Variants in RBBP5 observed in about 807,000 individuals in gnomAD.
The protein encoded by RBBP5 is retinoblastoma-binding protein 5.
RBBP5 carries 5 observed loss-of-function variants against 72.2 expected under a neutral mutation model. The observed-to-expected ratio is 0.07, with a 90% CI of 0.04 to 0.15. RBBP5 has a LOEUF of 0.15. RBBP5 is among the 10% of genes least tolerant of loss of function. The probability of loss-of-function intolerance (pLI) is 1.00; values close to 1 mark genes in which losing one functional copy is unlikely to be tolerated. For missense variants in RBBP5, 322 were observed against 652.2 expected (o/e 0.49, Z 5.51); for synonymous variants, 209 against 237.2 (o/e 0.88, Z 1.09).
At chr1:205,120,885 T>G (rs1034730197) in intron 1 of RBBP5, among the ~76,000 whole-genome samples, 1 of 152,236 alleles carries the variant, frequency 6.6e-6, no homozygotes, top group Non-Finnish European at 1.5e-5. Flanking sequence ...ATTCACTCTC[T>G]GTTCCAAACA....
chr1:205,114,118 T>A (rs1366957863), intron 3 of RBBP5, among the ~76,000 whole-genome samples: 1 of 152,248 alleles, frequency 6.6e-6, no homozygotes, highest in Non-Finnish European at 1.5e-5. Flanking sequence ...AGGCCACCAG[T>A]ACTTTACTGG....
chr1:205,102,201 A>G (rs1655858878), intron 5 of RBBP5, among the ~76,000 whole-genome samples: 1 of 152,152 alleles, frequency 6.6e-6, no homozygotes, highest in Non-Finnish European at 1.5e-5. Context: ...TGGCCAATCT[A>G]TTCTTAAAAT....
chr1:205,106,274 G>C (rs975307702), intron 3 of RBBP5, among the ~76,000 whole-genome samples: 1 of 152,152 alleles, frequency 6.6e-6, no homozygotes, highest in Non-Finnish European at 1.5e-5. Context: ...CAGTATCAGA[G>C]GAGGCCTGCT....
intron 6 of RBBP5, 87 bp from the exon 7 acceptor site, chr1:205,100,358 G>C: frequency 6.7e-7 from 1 of 1,487,310 alleles, no homozygotes; most frequent in Non-Finnish European, 9.1e-7. Context: ...GGGAAGAATT[G>C]AGGAAAAATC....
intron 1 of RBBP5, chr1:205,116,256 C>A: frequency 2.6e-6 from 1 of 380,468 alleles, no homozygotes; most frequent in Non-Finnish European, 5.1e-6. Flanking sequence ...AATAACTACT[C>A]ACATAAACAT....
chr1:205,113,226 C>T (rs2102322772), intron 3 of RBBP5, among the ~76,000 whole-genome samples: 1 of 151,762 alleles, frequency 6.6e-6, no homozygotes, highest in East Asian at 1.9e-4. Flanking sequence ...CCATGATTTT[C>T]TAGAATAAGT....
chr1:205,104,245 G>C (rs1057514238), intron 4 of RBBP5, among the ~76,000 whole-genome samples: 2 of 152,224 alleles, frequency 1.3e-5, no homozygotes, highest in Non-Finnish European at 2.9e-5. Context: ...TAAGAGGCCA[G>C]GTGCAGTGGC....
intron 5 of RBBP5, among the ~76,000 whole-genome samples, 185 bp from the exon 6 acceptor site, chr1:205,101,894 CTTTTTTTTTT>C (rs10562809): frequency 2.5e-5 from 3 of 119,744 alleles, no homozygotes; most frequent in Non-Finnish European, 3.5e-5. Flanking sequence ...TTAATCTAGT[CTTTTTTTTTT>C]TTTTTTTTTG....
chr1:205,094,846 C>T (rs369605533), intron 13 of RBBP5, 27 bp downstream of exon 13: 5 of 1,588,052 alleles, frequency 3.1e-6, no homozygotes, highest in African/African-American at 2.7e-5. Context: ...CGAAGCAAGC[C>T]AGACAATGCT....
At chr1:205,098,946 A>G in intron 10 of RBBP5, 43 bp downstream of exon 10, 1 of 1,289,004 alleles carries the variant, frequency 7.8e-7, no homozygotes, top group Admixed American at 2.3e-5. Context: ...TAAAGCAATC[A>G]TTTTCCCTTT....
At chr1:205,089,614 T>C (rs533135902) in intron 13 of RBBP5, among the ~76,000 whole-genome samples, 10 of 152,332 alleles carry the variant, frequency 6.6e-5, no homozygotes, top group Admixed American at 6.5e-4. Flanking sequence ...TATATAACTT[T>C]GATTTTTGAA....
chr1:205,087,093 G>C lies in RBBP5; in HGVS notation c.*1694C>G, dbSNP rs1190724601. ...ATACTGGTTTTAAATGATGGAGTGAGACAAAGAGGCTCTTGCTGACGTGCT... is the reference window on the plus strand; with the variant it reads ...ATACTGGTTTTAAATGATGGAGTGACACAAAGAGGCTCTTGCTGACGTGCT... On this transcript the variant is annotated 3_prime_UTR_variant, in exon 14 of 14. Coordinates refer to ENST00000264515, the MANE Select transcript of RBBP5 (RefSeq NM_005057.4). 6.6e-6 allele frequency: 1 copy of C among 152,102 alleles called. No homozygotes were observed. The highest frequency in any genetic ancestry group is 2.4e-5 in the African/African-American group (1 of 41,420). The allele number at this position is 152,102 out of a possible 1,614,324, so 9.4% of individuals were successfully genotyped here.
chr1:205,094,619 A>G (rs935853493), intron 13 of RBBP5, among the ~76,000 whole-genome samples: 11 of 152,238 alleles, frequency 7.2e-5, no homozygotes, highest in Non-Finnish European at 1.3e-4. Flanking sequence ...AAATATTCAC[A>G]TAATATTTTG....
At chr1:205,104,053 G>A (rs760370753) in intron 4 of RBBP5, 34 bp from the exon 5 acceptor site, 1 of 1,589,438 alleles carries the variant, frequency 6.3e-7, no homozygotes, top group South Asian at 1.1e-5. Context: ...ATTGGCTGTT[G>A]CTTTGGTATC....
rs1245757757 is a variant in RBBP5 at position 205,100,028 on chromosome 1, C to G, written c.789G>C (p.Gly263=). 1.9e-6 allele frequency: 3 copies of G among 1,614,116 alleles called. No homozygotes were observed. The highest frequency in any genetic ancestry group is 1.7e-5 in the Admixed American group (1 of 60,008). Residue 263 remains glycine, a synonymous_variant, in exon 8 of 14, where the codon GGG becomes GGC. Transcript: ENST00000264515. The part of the protein sequence containing the change: ...PWKKCCFSGD[G]EYIVAGSARQ... ...GGGCAGAACCTGCCACGATGTATTCCCCATCCCCAGAGAAACAACATTTCT... is the reference window on the plus strand; with the variant it reads ...GGGCAGAACCTGCCACGATGTATTCGCCATCCCCAGAGAAACAACATTTCT...
At chr1:205,116,905 C>G (rs1173458528) in intron 1 of RBBP5, among the ~76,000 whole-genome samples, 1 of 152,368 alleles carries the variant, frequency 6.6e-6, no homozygotes, top group East Asian at 1.9e-4. Flanking sequence ...AAACCTTTAA[C>G]AAAAGCAGCG....
chr1:205,100,093 G>A lies in RBBP5; in HGVS notation c.753-29C>T, dbSNP rs1655760203. The A allele has an allele frequency of 4.3e-6, 7 of 1,613,496 alleles. No individual in the cohort carries two copies. The East Asian group carries it at 1.6e-4, about 36-fold the overall frequency. ...AAGGACAAGGAAAGTACCAAGGAGAGCTGGAACTCAAGCCCAGGTCATGAA... is the reference window on the plus strand; with the variant it reads ...AAGGACAAGGAAAGTACCAAGGAGAACTGGAACTCAAGCCCAGGTCATGAA... On this transcript the variant is annotated intron_variant, in intron 7 of 13. Coordinates refer to ENST00000264515, the MANE Select transcript of RBBP5 (RefSeq NM_005057.4).
chr1:205,117,601 A>C (rs892051844), intron 1 of RBBP5, among the ~76,000 whole-genome samples: 15 of 151,922 alleles, frequency 9.9e-5, no homozygotes, highest in Admixed American at 7.9e-4. Flanking sequence ...CAGAGGTTGC[A>C]GTGAGCCGAG....
intron 13 of RBBP5, among the ~76,000 whole-genome samples, chr1:205,093,458 C>CCAAAAAAAAA (rs1553352080): frequency 0.062 from 1,142 of 18,308 alleles, 321 homozygotes; most frequent in Middle Eastern, 0.12. Flanking sequence ...AACTCCGTTT[C>CCAAAAAAAAA]AAAAAAAAAA....
Sources: gnomAD v4.1 joint callset for allele counts (sites outside exome capture counted in the v4.1 genomes callset) on GRCh38, gnomAD v4.1.1 for gene constraint, MANE v1.5 for transcripts, NCBI Gene and HGNC (gene_info 2026-07-23, HGNC 2026-07-21) for gene names.